The following PAFAH1B1 variants were observed in gnomAD, a reference collection of about 807,000 sequenced individuals.
PAFAH1B1 encodes platelet activating factor acetylhydrolase 1b regulatory subunit 1, also known as platelet-activating factor acetylhydrolase IB subunit beta.
In PAFAH1B1, 2 loss-of-function variants were observed where a neutral mutation model predicts 57.5. The ratio of observed to expected loss-of-function variants is 0.03; its 90% confidence interval spans 0.01 to 0.11. The LOEUF (loss-of-function observed/expected upper bound fraction) is 0.11. PAFAH1B1 is among the 10% of genes least tolerant of loss of function. PAFAH1B1 has a pLI of 1.00. For missense variants in PAFAH1B1, 257 were observed against 512.0 expected, an observed-to-expected ratio of 0.50 and a Z score of 4.81; for synonymous variants, 152 against 169.6, an observed-to-expected ratio of 0.90 and a Z score of 0.81.
chr17:2,668,757 T>C (rs559096474), intron 5 of PAFAH1B1, among the ~76,000 whole-genome samples: 3 of 151,970 alleles, frequency 2.0e-5, no homozygotes, highest in East Asian at 1.9e-4. Context: ...GGGTGGATCA[T>C]GAGGTCAGGA....
intron 1 of PAFAH1B1, among the ~76,000 whole-genome samples, chr17:2,620,348 A>G (rs140324525): frequency 9.2e-5 from 14 of 152,306 alleles, no homozygotes; most frequent in East Asian, 5.8e-4. Context: ...TTCCTATCTA[A>G]TTCTCTTTAC....
chr17:2,611,468 G>A lies in PAFAH1B1; in HGVS notation c.-191+17462G>A, dbSNP rs527798194. Among the ~76,000 whole-genome samples, 229 of 149,152 alleles carry A rather than the reference G, an allele frequency of 1.5e-3. 1 individual carries two copies. Among genetic ancestry groups the A allele is most frequent in the African/African-American group, 5.2e-3 (207 of 40,048 alleles). ...GGGTGACAGAGCAAGACTCCGTCTCGGGGCAAAAAAAAAAAATAAAAAAAG... is the reference window on the plus strand; with the variant it reads ...GGGTGACAGAGCAAGACTCCGTCTCAGGGCAAAAAAAAAAAATAAAAAAAG... On this transcript the variant is annotated intron_variant, in intron 1 of 10. Coordinates refer to ENST00000397195, the MANE Select transcript of PAFAH1B1 (RefSeq NM_000430.4).
At chr17:2,652,246 T>TA (rs1402999109) in intron 2 of PAFAH1B1, among the ~76,000 whole-genome samples, 1 of 151,380 alleles carries the variant, frequency 6.6e-6, no homozygotes, top group South Asian at 2.1e-4. Flanking sequence ...CCGTCTCTAC[T>TA]AAAAATACAA....
At chr17:2,596,169 C>T (rs1186436891) in intron 1 of PAFAH1B1, among the ~76,000 whole-genome samples, 1 of 151,814 alleles carries the variant, frequency 6.6e-6, no homozygotes, top group African/African-American at 2.4e-5. Flanking sequence ...CTTATTTGTC[C>T]CTGTGTGTGT....
chr17:2,675,634 CTT>C (rs11397532), intron 8 of PAFAH1B1, among the ~76,000 whole-genome samples: 6 of 145,820 alleles, frequency 4.1e-5, no homozygotes, highest in Admixed American at 6.8e-5. Flanking sequence ...CTACAGAAAA[CTT>C]TTTTTTTTTT....
chr17:2,657,772 G>C (rs1286001791), intron 2 of PAFAH1B1, among the ~76,000 whole-genome samples: 1 of 152,046 alleles, frequency 6.6e-6, no homozygotes, highest in Non-Finnish European at 1.5e-5. Context: ...TCCTCAGATA[G>C]GTTTACAAGA....
intron 1 of PAFAH1B1, among the ~76,000 whole-genome samples, chr17:2,637,757 T>C (rs2068642415): frequency 6.6e-6 from 1 of 152,238 alleles, no homozygotes; most frequent in Non-Finnish European, 1.5e-5. Flanking sequence ...TTTTGTAAAT[T>C]TGAAATTTTA....
intron 2 of PAFAH1B1, among the ~76,000 whole-genome samples, chr17:2,650,630 ACT>A (rs2068835616): frequency 8.4e-6 from 1 of 119,748 alleles, no homozygotes; most frequent in Admixed American, 9.6e-5. Flanking sequence ...ACAGAGCAAG[ACT>A]CTGTCTCAAA....
chr17:2,682,532 A>C lies in PAFAH1B1; in HGVS notation c.*730A>C, dbSNP rs1186076168. 1 of 152,670 alleles carries C rather than the reference A, an allele frequency of 6.6e-6. No homozygotes were observed. The highest frequency in any genetic ancestry group is 2.4e-5 in the African/African-American group (1 of 41,460). The allele number at this position is 152,670 out of a possible 1,614,324, so 9.5% of individuals were successfully genotyped here. A position where few individuals can be genotyped will look rare whatever the true frequency, so the allele number is the denominator to read the frequency against. On this transcript the variant is annotated 3_prime_UTR_variant, in exon 11 of 11. Coordinates refer to ENST00000397195, the MANE Select transcript of PAFAH1B1 (RefSeq NM_000430.4). ...ATGCTTTGTAAACAGGTCAAAAAAT[A>C]CTGTCATACTCTAAGCTTCTATTTT...
intron 10 of PAFAH1B1, 99 bp from the exon 11 acceptor site, chr17:2,681,630 T>G: frequency 1.1e-6 from 1 of 921,228 alleles, no homozygotes. Context: ...CCCGGCTAAT[T>G]TTTTTTTTAA....
At chr17:2,624,436 A>G (rs1238968317) in intron 1 of PAFAH1B1, among the ~76,000 whole-genome samples, 1 of 152,292 alleles carries the variant, frequency 6.6e-6, no homozygotes, top group Middle Eastern at 3.4e-3. Context: ...TGGGAACAAG[A>G]AAAGGTTTAA....
intron 1 of PAFAH1B1, among the ~76,000 whole-genome samples, chr17:2,623,596 G>A (rs1221685930): frequency 6.8e-6 from 1 of 147,694 alleles, no homozygotes; most frequent in Admixed American, 6.8e-5. Flanking sequence ...TAGTCAGGCT[G>A]CAAATTTTCT....
chr17:2,599,658 A>G (rs2068117710), intron 1 of PAFAH1B1, among the ~76,000 whole-genome samples: 1 of 152,222 alleles, frequency 6.6e-6, no homozygotes, highest in Admixed American at 6.5e-5. Context: ...TGGAGGAAAG[A>G]GTGGCTGCAT....
At chr17:2,631,693 G>A (rs1041395594) in intron 1 of PAFAH1B1, among the ~76,000 whole-genome samples, 2 of 152,116 alleles carry the variant, frequency 1.3e-5, no homozygotes, top group African/African-American at 4.8e-5. Context: ...ACAGTATTTG[G>A]GGTGTCTCCC....
chr17:2,596,415 A>G (rs180757341), intron 1 of PAFAH1B1, among the ~76,000 whole-genome samples: 115 of 152,296 alleles, frequency 7.6e-4, no homozygotes, highest in African/African-American at 2.7e-3. Flanking sequence ...AAAAAGGATA[A>G]GATAATTTGC....
rs150443482 is a variant in PAFAH1B1 at position 2,636,691 on chromosome 17, G to A, written c.-190-1408G>A. Among the ~76,000 whole-genome samples the A allele has an allele frequency of 1.3e-3, 197 of 151,672 alleles. 1 individual carries two copies. In the South Asian group the frequency reaches 0.025, roughly 19 times the overall value. ...TAGGTTTGCAGACATAAGCCACCACGCCTGGCCTCAGGGCTCATATTTGAA... is the reference window on the plus strand; with the variant it reads ...TAGGTTTGCAGACATAAGCCACCACACCTGGCCTCAGGGCTCATATTTGAA... On this transcript the variant is annotated intron_variant, in intron 1 of 10. Coordinates refer to ENST00000397195, the MANE Select transcript of PAFAH1B1 (RefSeq NM_000430.4).
intron 1 of PAFAH1B1, chr17:2,613,697 A>G (rs377533778): frequency 3.0e-4 from 87 of 287,594 alleles, no homozygotes; most frequent in African/African-American, 1.7e-3. Flanking sequence ...GACATCATCC[A>G]TGGTCCACTT....
rs149717006 is a variant in PAFAH1B1, at chr17:2,600,154, A to G, written c.-191+6148A>G. Among the ~76,000 whole-genome samples, 806 of 151,756 alleles carry G rather than the reference A, an allele frequency of 5.3e-3. 6 individuals carry two copies. The highest frequency in any genetic ancestry group is 6.2e-3 in the Non-Finnish European group (418 of 67,868). ...ACCACCACAGACAGCTAATTTTTGTATTTTTACTAAAGAACTCCTGGCCTC... is the reference window on the plus strand; with the variant it reads ...ACCACCACAGACAGCTAATTTTTGTGTTTTTACTAAAGAACTCCTGGCCTC... On this transcript the variant is annotated intron_variant, in intron 1 of 10. Transcript: ENST00000397195.
At chr17:2,664,872 CT>C (rs1355611178) in intron 2 of PAFAH1B1, among the ~76,000 whole-genome samples, 1 of 151,998 alleles carries the variant, frequency 6.6e-6, no homozygotes, top group Non-Finnish European at 1.5e-5. Context: ...TGTATGATTG[CT>C]TTTTTTCACC....
Sources: gnomAD v4.1 joint callset for allele counts (sites outside exome capture counted in the v4.1 genomes callset) on GRCh38, gnomAD v4.1.1 for gene constraint, MANE v1.5 for transcripts, NCBI Gene and HGNC (gene_info 2026-07-23, HGNC 2026-07-21) for gene names.